BDH1: variants seen among roughly 807,000 people sequenced by gnomAD.
BDH1 encodes the protein 3-hydroxybutyrate dehydrogenase 1.
BDH1 carries 30 observed loss-of-function variants against 33.1 expected under a neutral mutation model. That is an observed-to-expected ratio of 0.91 (90% confidence interval 0.68 to 1.23). BDH1 has a LOEUF of 1.23. Ranked by LOEUF, BDH1 falls within the 50% of genes most tolerant of loss-of-function variation. The pLI is 0.00. For missense variants in BDH1, 443 were observed against 464.4 expected (o/e 0.95, Z 0.42); for synonymous variants, 190 against 183.6 (o/e 1.03, Z -0.28).
rs1027512303 is a variant in BDH1 at position 197,514,257 on chromosome 3, C to A, written c.562+7G>T. On this transcript the variant is annotated splice_region_variant and intron_variant, in intron 7 of 7. Coordinates refer to ENST00000392379, the MANE Select transcript of BDH1 (RefSeq NM_203314.3). This position sits in a 1 kb window ranked among gnomAD's most constrained non-coding sequence, Gnocchi z 4.2. Reference sequence around the variant, plus strand: ...AGGGGCAGGAGGGAGCTCCCTTTCCCACTCACCTTTGGCCCTTCGGATGAG... The same window carrying A: ...AGGGGCAGGAGGGAGCTCCCTTTCCAACTCACCTTTGGCCCTTCGGATGAG... 1 of 1,608,406 alleles carries A rather than the reference C, an allele frequency of 6.2e-7. No individual in the cohort carries two copies. The highest frequency in any genetic ancestry group is 1.3e-5 in the African/African-American group (1 of 74,738).
rs545457948 is a variant in BDH1 at position 197,532,265 on chromosome 3, A to C, written c.267+147T>G. ...TGGATGATGGATGGACAAAGCTATG[A>C]AGAACAAGTGGGACTGAAGCCGATG... On this transcript the variant is annotated intron_variant, in intron 5 of 7. Transcript: ENST00000392379. 3 of 645,974 alleles carry C rather than the reference A, an allele frequency of 4.6e-6. No homozygotes were observed. The African/African-American group carries it at 5.5e-5, about 12-fold the overall frequency. The allele number at this position is 645,974 out of a possible 1,614,324, so 40.0% of individuals were successfully genotyped here.
Position 197,510,350 on chromosome 3 carries a change from G to A in BDH1, c.*1545C>T, listed in dbSNP as rs1375986245. 6.6e-6 allele frequency: 1 copy of A among 152,272 alleles called. No homozygotes were observed. Among genetic ancestry groups the A allele is most frequent in the Non-Finnish European group, 1.5e-5 (1 of 68,114 alleles). 9.4% of individuals were successfully genotyped at this position (152,272 alleles called of 1,614,324 possible). Reference sequence around the variant, plus strand: ...GCGGCAGGTCCGCCCAGGGAGAGGCGGAAACGCGGAGTCTGATTCGAAGGC... The same window carrying A: ...GCGGCAGGTCCGCCCAGGGAGAGGCAGAAACGCGGAGTCTGATTCGAAGGC... On this transcript the variant is annotated 3_prime_UTR_variant, in exon 8 of 8. Transcript: ENST00000392379.
intron 3 of BDH1, among the ~76,000 whole-genome samples, chr3:197,542,242 C>T (rs1715695394): frequency 6.6e-6 from 1 of 152,234 alleles, no homozygotes; most frequent in Admixed American, 6.5e-5. Flanking sequence ...GCCACAATGG[C>T]CCTAGACTTC....
At chr3:197,513,723 T>A (rs944750220) in intron 7 of BDH1, among the ~76,000 whole-genome samples, 4 of 152,246 alleles carry the variant, frequency 2.6e-5, no homozygotes, top group Non-Finnish European at 5.9e-5. Context: ...TTGCCACAAT[T>A]GTTTGCTATG....
At chr3:197,563,574 G>A (rs536092436) in intron 1 of BDH1, among the ~76,000 whole-genome samples, 4 of 152,142 alleles carry the variant, frequency 2.6e-5, no homozygotes, top group South Asian at 2.1e-4. Context: ...AAATAATTAG[G>A]TGAATGTAAT....
Position 197,546,477 on chromosome 3 carries a change from C to A in BDH1, c.-34G>T. Reference sequence around the variant, plus strand: ...CGGGTGTTAGAATGGCCCAGTTCCTCCCGGTGGTTCTGAAACATAAATGCA... The same window carrying A: ...CGGGTGTTAGAATGGCCCAGTTCCTACCGGTGGTTCTGAAACATAAATGCA... On this transcript the variant is annotated 5_prime_UTR_variant, in exon 3 of 8. Coordinates refer to ENST00000392379, the MANE Select transcript of BDH1 (RefSeq NM_203314.3). 1 of 1,603,852 alleles carries A rather than the reference C, an allele frequency of 6.2e-7. No homozygotes were observed. The highest frequency in any genetic ancestry group is 8.5e-7 in the Non-Finnish European group (1 of 1,171,594).
intron 1 of BDH1, among the ~76,000 whole-genome samples, chr3:197,563,435 T>G (rs1438441711): frequency 6.6e-6 from 1 of 152,206 alleles, no homozygotes; most frequent in Non-Finnish European, 1.5e-5. Context: ...AAGGAGAGTT[T>G]GGAGGTTAAA....
In BDH1 at chr3:197,510,410, C is replaced by T. The variant is rs1360693564; in HGVS notation, c.*1485G>A. 1 of 152,246 alleles carries T rather than the reference C, an allele frequency of 6.6e-6. No individual in the cohort carries two copies. The allele number at this position is 152,246 out of a possible 1,614,324, so 9.4% of individuals were successfully genotyped here. A position where few individuals can be genotyped will look rare whatever the true frequency, so the allele number is the denominator to read the frequency against. On this transcript the variant is annotated 3_prime_UTR_variant, in exon 8 of 8. Transcript: ENST00000392379. ...GGACCCTGCCCCGGGCCGAAAGCCC[C>T]CTGGAGGACAGTGGTGTTTGGCTTC...
intron 3 of BDH1, among the ~76,000 whole-genome samples, chr3:197,540,959 C>T (rs1384918494): frequency 1.3e-5 from 2 of 152,182 alleles, no homozygotes; most frequent in African/African-American, 4.8e-5. Context: ...CCTGGGCGGG[C>T]AGCTCCAGCT....
chr3:197,512,468 C>T, intron 7 of BDH1, 104 bp from the exon 8 acceptor site: 1 of 1,258,004 alleles, frequency 7.9e-7, no homozygotes, highest in African/African-American at 1.5e-5. Flanking sequence ...CACTTCTGAG[C>T]CACCCAGGAG....
upstream of BDH1, among the ~76,000 whole-genome samples, chr3:197,559,539 C>T (rs992613708): frequency 2.0e-5 from 3 of 152,234 alleles, no homozygotes; most frequent in Non-Finnish European, 4.4e-5. Context: ...CCCAAATAAA[C>T]TACCTATACA....
intron 5 of BDH1, among the ~76,000 whole-genome samples, chr3:197,527,812 A>G (rs1440269452): frequency 7.0e-6 from 1 of 142,044 alleles, no homozygotes; most frequent in East Asian, 2.1e-4. Context: ...TTTCTGTGAC[A>G]CTCCCTCCCG....
In BDH1 at chr3:197,522,845, C is replaced by T; in HGVS notation, c.268-64G>A. 6.3e-7 allele frequency: 1 copy of T among 1,575,650 alleles called. No individual in the cohort carries two copies. Among genetic ancestry groups the T allele is most frequent in the Non-Finnish European group, 8.6e-7 (1 of 1,156,944 alleles). Reference sequence around the variant, plus strand: ...CCCACCCTGAGGCAGACCCTGAGGACTCCTGTCAAGGCAGGAGCTGGCCTC... The same window carrying T: ...CCCACCCTGAGGCAGACCCTGAGGATTCCTGTCAAGGCAGGAGCTGGCCTC... On this transcript the variant is annotated intron_variant, in intron 5 of 7. Transcript: ENST00000392379. The surrounding 1 kb of genome is among the most constrained non-coding windows in gnomAD (Gnocchi z 4.8).
chr3:197,552,409 T>C (rs1294114638), intron 2 of BDH1, among the ~76,000 whole-genome samples: 1 of 152,208 alleles, frequency 6.6e-6, no homozygotes, highest in Non-Finnish European at 1.5e-5. Context: ...AATCAGATCA[T>C]GTCACGCCTC....
At chr3:197,533,038 C>T (rs1178527839) in intron 4 of BDH1, among the ~76,000 whole-genome samples, 7 of 152,120 alleles carry the variant, frequency 4.6e-5, no homozygotes, top group East Asian at 1.9e-4. Flanking sequence ...CCTCCACGCC[C>T]GGCTAATTTT....
chr3:197,519,896 G>T (rs942570624), intron 6 of BDH1, among the ~76,000 whole-genome samples: 4 of 152,014 alleles, frequency 2.6e-5, no homozygotes, highest in African/African-American at 9.7e-5. Context: ...CCTTCATCTC[G>T]CCCCCGTGGC....
In BDH1 at chr3:197,510,633, T is replaced by TAAG; in HGVS notation, c.*1261_*1262insCTT. ...GTGTGTGTGTGTGTGTGTGTGTGTG[T>TAAG]GTGTGTGTGTGTGTGTGTGTGTGTG... is the stretch of plus-strand genomic sequence containing the variant. On this transcript the variant is annotated 3_prime_UTR_variant, in exon 8 of 8. Transcript: ENST00000392379. 1 of 34,788 alleles carries TAAG rather than the reference T, an allele frequency of 2.9e-5. No homozygotes were observed. Among genetic ancestry groups the TAAG allele is most frequent in the Non-Finnish European group, 5.9e-5 (1 of 16,880 alleles). The allele number at this position is 34,788 out of a possible 1,614,324, so 2.2% of individuals were successfully genotyped here. A position where few individuals can be genotyped will look rare whatever the true frequency, so the allele number is the denominator to read the frequency against.
chr3:197,524,516 G>T (rs922587900), intron 5 of BDH1, among the ~76,000 whole-genome samples: 4 of 152,238 alleles, frequency 2.6e-5, no homozygotes, highest in African/African-American at 9.6e-5. Context: ...GCCCAATGGG[G>T]CCGGAGGTGC....
At chr3:197,534,680 G>A (rs192811165) in intron 3 of BDH1, among the ~76,000 whole-genome samples, 18 of 152,288 alleles carry the variant, frequency 1.2e-4, no homozygotes, top group Admixed American at 7.8e-4. Flanking sequence ...GCTATAGTAC[G>A]CTACAGCCCC....
Sources: gnomAD v4.1 joint callset for allele counts (sites outside exome capture counted in the v4.1 genomes callset) on GRCh38, gnomAD v4.1.1 for gene constraint, Gnocchi (gnomAD v3.1) non-coding constraint, MANE v1.5 for transcripts, NCBI Gene and HGNC (gene_info 2026-07-23, HGNC 2026-07-21) for gene names.